Variants in RBM47 observed in about 807,000 individuals in gnomAD.
RBM47 encodes RNA binding motif protein 47.
Under a neutral mutation model 47.1 loss-of-function variants are expected in RBM47, and 21 were observed. The observed-to-expected ratio is 0.45, with a 90% CI of 0.32 to 0.64. RBM47 has a LOEUF of 0.64. Among genes scored for constraint, RBM47 ranks in the 30% least tolerant of loss-of-function variants. RBM47 has a pLI of 0.05. For missense variants in RBM47, 708 were observed against 870.9 expected (o/e 0.81, Z 2.35); for synonymous variants, 375 against 361.7 (o/e 1.04, Z -0.42).
At chr4:40,595,466 C>T (rs1245556583) in intron 1 of RBM47, among the ~76,000 whole-genome samples, 1 of 151,244 alleles carries the variant, frequency 6.6e-6, no homozygotes, top group Non-Finnish European at 1.5e-5. Flanking sequence ...TGCATTCCAG[C>T]CTGGGCGACA....
rs1033565942 is a variant in RBM47 at position 40,424,241 on chromosome 4, C to G, written c.*1663G>C. 2.0e-5 allele frequency: 3 copies of G among 152,578 alleles called. No homozygotes were observed. The highest frequency in any genetic ancestry group is 4.4e-5 in the Non-Finnish European group (3 of 68,042). The allele number at this position is 152,578 out of a possible 1,614,324, so 9.5% of individuals were successfully genotyped here. On this transcript the variant is annotated 3_prime_UTR_variant, in exon 7 of 7. Transcript: ENST00000295971. ...CGTGAGTGGAAAATTGTATGGATCT[C>G]TAACATGACATAAAAACGCAACTGC...
chr4:40,507,038 C>A (rs1160250695), intron 2 of RBM47, among the ~76,000 whole-genome samples: 2 of 152,162 alleles, frequency 1.3e-5, no homozygotes, highest in Non-Finnish European at 2.9e-5. Context: ...CTCGCTGCAA[C>A]CTCCAGCTCC....
intron 1 of RBM47, among the ~76,000 whole-genome samples, chr4:40,614,494 G>T (rs1049494752): frequency 2.0e-5 from 3 of 152,076 alleles, no homozygotes; most frequent in African/African-American, 7.2e-5. Flanking sequence ...CTGGGTCCTG[G>T]TCCAAAGACC....
At chr4:40,609,059 T>C (rs1176331180) in intron 1 of RBM47, among the ~76,000 whole-genome samples, 2 of 152,148 alleles carry the variant, frequency 1.3e-5, no homozygotes, top group Non-Finnish European at 2.9e-5. Flanking sequence ...GGTGGCATGA[T>C]CTCAGCTCAC....
At chr4:40,450,025 G>T (rs1207772709) in intron 3 of RBM47, among the ~76,000 whole-genome samples, 2 of 152,240 alleles carry the variant, frequency 1.3e-5, no homozygotes, top group African/African-American at 4.8e-5. Context: ...GTCTCTAAAG[G>T]TTGATGGGGT....
At chr4:40,459,109 C>T (rs1375528022) in intron 3 of RBM47, among the ~76,000 whole-genome samples, 1 of 152,148 alleles carries the variant, frequency 6.6e-6, no homozygotes, top group Non-Finnish European at 1.5e-5. Context: ...ATATTAAAGG[C>T]TCTTTCCACT....
At chr4:40,507,681 G>C (rs1036127012) in intron 2 of RBM47, among the ~76,000 whole-genome samples, 1 of 152,014 alleles carries the variant, frequency 6.6e-6, no homozygotes, top group Non-Finnish European at 1.5e-5. Context: ...CAGCTACTTG[G>C]GAGGCTGAGG....
At chr4:40,437,114 A>T (rs1304585136) in intron 4 of RBM47, among the ~76,000 whole-genome samples, 15 of 71,040 alleles carry the variant, frequency 2.1e-4, no homozygotes, top group African/African-American at 1.1e-3. Flanking sequence ...TATATATAAA[A>T]TACATATATA....
At chr4:40,554,751 C>T (rs1030106639) in intron 1 of RBM47, among the ~76,000 whole-genome samples, 5 of 149,994 alleles carry the variant, frequency 3.3e-5, no homozygotes, top group Admixed American at 6.6e-5. Context: ...ATCTCTCTCT[C>T]CTTTCTTTCC....
intron 2 of RBM47, among the ~76,000 whole-genome samples, chr4:40,494,786 A>G (rs1418903087): frequency 2.0e-5 from 3 of 152,154 alleles, no homozygotes; most frequent in South Asian, 2.1e-4. Context: ...TGCAGATAAG[A>G]CTGCTATAGG....
At chr4:40,496,777 C>T (rs1179185170) in intron 2 of RBM47, among the ~76,000 whole-genome samples, 2 of 152,146 alleles carry the variant, frequency 1.3e-5, no homozygotes, top group African/African-American at 2.4e-5. Flanking sequence ...CAGTGGCTCA[C>T]GTCTGTAATC....
intron 1 of RBM47, among the ~76,000 whole-genome samples, chr4:40,555,553 C>A (rs996119271): frequency 3.3e-5 from 5 of 152,334 alleles, no homozygotes; most frequent in African/African-American, 1.2e-4. Flanking sequence ...AATGTTCTGG[C>A]TTCTAAAACA....
At chr4:40,503,718 G>C (rs1212941877) in intron 2 of RBM47, among the ~76,000 whole-genome samples, 2 of 151,968 alleles carry the variant, frequency 1.3e-5, no homozygotes, top group Non-Finnish European at 2.9e-5. Context: ...GCCTAAGAGG[G>C]GGGAGAGAAG....
At chr4:40,436,342 G>T (rs1712399619) in intron 5 of RBM47, 99 bp downstream of exon 5, 1 of 1,168,984 alleles carries the variant, frequency 8.6e-7, no homozygotes, top group Non-Finnish European at 1.2e-6. Context: ...AGGAACCCCT[G>T]TGCAGATGTG....
chr4:40,507,884 A>T (rs1266381125), intron 2 of RBM47, among the ~76,000 whole-genome samples: 3 of 151,754 alleles, frequency 2.0e-5, no homozygotes, highest in Admixed American at 1.3e-4. Flanking sequence ...ATGGCTGGCC[A>T]GCTCTCCAAC....
intron 6 of RBM47, 54 bp from the exon 7 acceptor site, chr4:40,426,197 T>C: frequency 6.4e-7 from 1 of 1,564,156 alleles, no homozygotes; most frequent in African/African-American, 1.4e-5. Flanking sequence ...GTACCTATCA[T>C]CCATTCATTC....
chr4:40,555,085 G>A (rs1030139253), intron 1 of RBM47, among the ~76,000 whole-genome samples: 10 of 152,122 alleles, frequency 6.6e-5, no homozygotes, highest in African/African-American at 7.2e-5. Flanking sequence ...ACAAGCGCCC[G>A]CCACCATGCC....
At chr4:40,592,971 ATATATATATT>A (rs1734357451) in intron 1 of RBM47, among the ~76,000 whole-genome samples, 4 of 22,802 alleles carry the variant, frequency 1.8e-4, no homozygotes, top group Admixed American at 7.5e-4. Context: ...ATATATATAT[ATATATATATT>A]TTTTTTTTTT....
At chr4:40,460,249 C>CA (rs1716912212) in intron 3 of RBM47, among the ~76,000 whole-genome samples, 2 of 148,572 alleles carry the variant, frequency 1.3e-5, no homozygotes, top group African/African-American at 5.0e-5. Context: ...TTGGCCTTAA[C>CA]TGATATGCTT....
Sources: allele counts gnomAD v4.1 joint callset (sites outside exome capture counted in the v4.1 genomes callset), GRCh38; gene constraint gnomAD v4.1.1; transcripts MANE v1.5; gene names NCBI Gene and HGNC (gene_info 2026-07-23, HGNC 2026-07-21).